The following AP3B1 variants were observed in gnomAD, a reference collection of about 807,000 sequenced individuals.
AP3B1 encodes AP-3 complex subunit beta-1.
AP3B1 carries 61 observed loss-of-function variants against 132.5 expected under a neutral mutation model. The observed-to-expected ratio is 0.46, with a 90% CI of 0.37 to 0.57. The LOEUF (loss-of-function observed/expected upper bound fraction) is 0.57. AP3B1 is among the 20% of genes least tolerant of loss of function. The pLI is 0.00. For missense variants in AP3B1, 1,120 were observed against 1,289.4 expected, an observed-to-expected ratio of 0.87 and a Z score of 2.01; for synonymous variants, 388 against 438.3, an observed-to-expected ratio of 0.89 and a Z score of 1.43.
chr5:78,263,942 C>T (rs1411882757), intron 2 of AP3B1, among the ~76,000 whole-genome samples: 7 of 152,080 alleles, frequency 4.6e-5, no homozygotes, highest in Non-Finnish European at 5.9e-5. Flanking sequence ...TACACAAATA[C>T]TTACCATTGT....
At chr5:78,067,480 G>A (rs1443860642) in intron 22 of AP3B1, among the ~76,000 whole-genome samples, 3 of 152,190 alleles carry the variant, frequency 2.0e-5, no homozygotes, top group Non-Finnish European at 4.4e-5. Flanking sequence ...TCTTCTCAGT[G>A]CCACATGGCA....
At chr5:78,207,650 C>T (rs933429895) in intron 7 of AP3B1, among the ~76,000 whole-genome samples, 5 of 151,888 alleles carry the variant, frequency 3.3e-5, no homozygotes, top group East Asian at 1.9e-4. Flanking sequence ...GAATAACTCA[C>T]GTTGAGATGT....
intron 22 of AP3B1, among the ~76,000 whole-genome samples, chr5:78,065,792 A>G (rs1749265245): frequency 1.3e-5 from 2 of 152,156 alleles, no homozygotes; most frequent in Admixed American, 1.3e-4. Context: ...CCCCGCACAG[A>G]GCAACCCCTC....
At chr5:78,159,876 C>A (rs1351933086) in intron 13 of AP3B1, among the ~76,000 whole-genome samples, 1 of 152,166 alleles carries the variant, frequency 6.6e-6, no homozygotes, top group Non-Finnish European at 1.5e-5. Flanking sequence ...CAAAATGATC[C>A]TATGTTCTAG....
chr5:78,287,409 G>T (rs1383817350), intron 1 of AP3B1, among the ~76,000 whole-genome samples: 1 of 152,212 alleles, frequency 6.6e-6, no homozygotes, highest in Non-Finnish European at 1.5e-5. Context: ...TTTATAATCT[G>T]TTGGAAAGTA....
intron 11 of AP3B1, among the ~76,000 whole-genome samples, chr5:78,169,965 T>C (rs1219652883): frequency 6.6e-6 from 1 of 152,096 alleles, no homozygotes; most frequent in African/African-American, 2.4e-5. Flanking sequence ...GTCCAAGTGT[T>C]CTCATTGTTC....
At chr5:78,045,355 T>C (rs560249166) in intron 22 of AP3B1, among the ~76,000 whole-genome samples, 332 of 137,156 alleles carry the variant, frequency 2.4e-3, no homozygotes, top group Admixed American at 4.4e-3. Context: ...TCCTCAAGTC[T>C]GGGTGATGAA....
At chr5:78,255,452 A>G (rs1747810616) in intron 2 of AP3B1, among the ~76,000 whole-genome samples, 1 of 105,352 alleles carries the variant, frequency 9.5e-6, no homozygotes, top group African/African-American at 3.4e-5. Flanking sequence ...TTGCTATACA[A>G]TACCAAACAA....
At chr5:78,045,304 C>A (rs971291029) in intron 22 of AP3B1, among the ~76,000 whole-genome samples, 35 of 150,964 alleles carry the variant, frequency 2.3e-4, no homozygotes, top group African/African-American at 8.3e-4. Context: ...CTACTTGAAC[C>A]CAGGAAGTGG....
At chr5:78,087,482 G>A (rs554460292) in intron 22 of AP3B1, 1 of 951,976 alleles carries the variant, frequency 1.1e-6, no homozygotes, top group African/African-American at 1.8e-5. Flanking sequence ...CATTTTCTTT[G>A]TTTAAAGTTC....
chr5:78,096,272 A>C (rs1465329751), intron 21 of AP3B1, among the ~76,000 whole-genome samples: 1 of 152,166 alleles, frequency 6.6e-6, no homozygotes, highest in Non-Finnish European at 1.5e-5. Flanking sequence ...CTTGGCCTCC[A>C]GAGGTGCCGG....
chr5:78,086,183 T>C (rs1750241699), intron 22 of AP3B1, among the ~76,000 whole-genome samples: 1 of 152,188 alleles, frequency 6.6e-6, no homozygotes, highest in African/African-American at 2.4e-5. Flanking sequence ...CTCTTTTTTC[T>C]TTAAAGTAGA....
chr5:78,034,315 T>C, intron 24 of AP3B1, 46 bp downstream of exon 24: 1 of 1,422,916 alleles, frequency 7.0e-7, no homozygotes, highest in Non-Finnish European at 9.9e-7. Flanking sequence ...TTTGATCTGC[T>C]ATCCTTTACA....
chr5:78,004,405 C>T (rs548163139), intron 26 of AP3B1, among the ~76,000 whole-genome samples: 7 of 152,314 alleles, frequency 4.6e-5, no homozygotes, highest in Admixed American at 3.9e-4. Context: ...AGAAAAACTT[C>T]ACTCCCGACT....
At chr5:78,251,605 C>T (rs187415239) in intron 2 of AP3B1, among the ~76,000 whole-genome samples, 7 of 152,222 alleles carry the variant, frequency 4.6e-5, no homozygotes, top group Admixed American at 6.5e-5. Flanking sequence ...AAAACCGGAC[C>T]GAACTCAGCT....
chr5:78,242,951 A>T (rs1747205823), intron 2 of AP3B1, among the ~76,000 whole-genome samples: 1 of 152,218 alleles, frequency 6.6e-6, no homozygotes, highest in African/African-American at 2.4e-5. Flanking sequence ...AACTGCCTTT[A>T]AAAAGATATT....
chr5:78,150,431 G>A (rs1216290645), intron 14 of AP3B1, among the ~76,000 whole-genome samples: 1 of 152,206 alleles, frequency 6.6e-6, no homozygotes, highest in Admixed American at 6.5e-5. Flanking sequence ...AAAAGGCATA[G>A]TTAATGAAGT....
Position 78,002,477 on chromosome 5 carries a change from C to T in AP3B1, c.*425G>A, listed in dbSNP as rs1554056481. On this transcript the variant is annotated 3_prime_UTR_variant, in exon 27 of 27. Coordinates refer to ENST00000255194, the MANE Select transcript of AP3B1 (RefSeq NM_003664.5). Reference sequence around the variant, plus strand: ...TTTGGATTTAAAAAGTATGTGATCTCATTTTCACATACCAAGCTGAGAGGC... The same window carrying T: ...TTTGGATTTAAAAAGTATGTGATCTTATTTTCACATACCAAGCTGAGAGGC... 1 of 434,946 alleles carries T rather than the reference C, an allele frequency of 2.3e-6. No individual in the cohort carries two copies. The highest frequency in any genetic ancestry group is 4.0e-6 in the Non-Finnish European group (1 of 248,112). The allele number at this position is 434,946 out of a possible 1,614,324, so 26.9% of individuals were successfully genotyped here.
intron 23 of AP3B1, among the ~76,000 whole-genome samples, chr5:78,035,125 A>C (rs538413569): frequency 6.6e-6 from 1 of 152,106 alleles, no homozygotes; most frequent in African/African-American, 2.4e-5. Context: ...CAAGTATAGG[A>C]AATAACTATA....
Sources: allele counts gnomAD v4.1 joint callset (sites outside exome capture counted in the v4.1 genomes callset), GRCh38; gene constraint gnomAD v4.1.1; transcripts MANE v1.5; gene names NCBI Gene and HGNC (gene_info 2026-07-23, HGNC 2026-07-21).